Variants in URB1 observed in about 807,000 individuals in gnomAD.
URB1 encodes URB1 ribosome biogenesis factor.
In URB1, 197 loss-of-function variants were observed where a neutral mutation model predicts 242.3. That is an observed-to-expected ratio of 0.81 (90% CI 0.72 to 0.91). The LOEUF (loss-of-function observed/expected upper bound fraction) is 0.91, where lower values mean the gene tolerates loss of function less well. URB1 is among the 40% of genes least tolerant of loss of function. The pLI is 0.00. For missense variants in URB1, 2,721 were observed against 2,860.5 expected, an observed-to-expected ratio of 0.95 and a Z score of 1.11; for synonymous variants, 1,153 against 1,201.8, an observed-to-expected ratio of 0.96 and a Z score of 0.84.
chr21:32,383,689 G>A, intron 3 of URB1, 135 bp from the exon 4 acceptor site: 12 of 1,017,470 alleles, frequency 1.2e-5, no homozygotes, highest in Non-Finnish European at 1.2e-5. Context: ...AAAAAGACAT[G>A]CTCTTTTTTT....
In URB1 at chr21:32,321,910, A is replaced by T; in HGVS notation, c.5375T>A (p.Leu1792Gln). 1.9e-6 allele frequency: 3 copies of T among 1,551,672 alleles called. No homozygotes were observed. Among genetic ancestry groups the T allele is most frequent in the Non-Finnish European group, 2.6e-6 (3 of 1,146,988 alleles). Residue 1792 changes from leucine (L) to glutamine (Q), a missense_variant, in exon 34 of 39, where the codon CTG becomes CAG. Physicochemically the swap from Leu to Gln is moderately radical, Grantham distance 113. Transcript: ENST00000382751. ...KTEQKWVFGV[L>Q]RQGIRDKQCY... ...CTGCTTGTCACGGATCCCCTGCCGC[A>T]GAACGCCAAACACCCACTTCTGCTC... is the stretch of plus-strand genomic sequence containing the variant.
At chr21:32,359,769 C>T in intron 14 of URB1, 27 bp downstream of exon 14, 1 of 1,526,202 alleles carries the variant, frequency 6.6e-7, no homozygotes, top group Non-Finnish European at 8.8e-7. Context: ...AAGCTTAGGG[C>T]AGAAGACTGG....
rs1052092286 is a variant in URB1, at chr21:32,314,341, T to C, written c.*577A>G. On this transcript the variant is annotated 3_prime_UTR_variant, in exon 39 of 39. Coordinates refer to ENST00000382751, the MANE Select transcript of URB1 (RefSeq NM_014825.3). ...CTGGAATTACAGGTGTGCGCTACCA[T>C]GCCTGGCTAATTTTTGTATTTTTAG... is the stretch of plus-strand genomic sequence containing the variant. The C allele has an allele frequency of 5.3e-5, 25 of 475,750 alleles. No homozygotes were observed. The highest frequency in any genetic ancestry group is 6.2e-4 in the Middle Eastern group (1 of 1,606). The allele number at this position is 475,750 out of a possible 1,614,324, so 29.5% of individuals were successfully genotyped here. A position where few individuals can be genotyped will look rare whatever the true frequency, so the allele number is the denominator to read the frequency against.
chr21:32,353,792 T>G (rs1178516215), intron 18 of URB1, 141 bp downstream of exon 18: 1 of 999,232 alleles, frequency 1.0e-6, no homozygotes, highest in Non-Finnish European at 1.4e-6. Context: ...GCTGGCTGGG[T>G]AGCTATCACT....
intron 6 of URB1, among the ~76,000 whole-genome samples, chr21:32,375,096 A>G (rs1306439224): frequency 1.3e-5 from 2 of 152,260 alleles, no homozygotes; most frequent in African/African-American, 4.8e-5. Flanking sequence ...TATAATTTAC[A>G]GCTCACAATG....
At position 32,375,379 on chromosome 21, in the gene URB1, C is replaced by T. The variant is rs79111976; in HGVS notation, c.750+19G>A. The T allele has an allele frequency of 0.023, 33,792 of 1,448,880 alleles. 485 individuals are homozygous for T. Among genetic ancestry groups the T allele is most frequent in the Non-Finnish European group, 0.027 (29,356 of 1,078,648 alleles). 89.8% of individuals were successfully genotyped at this position (1,448,880 alleles called of 1,614,324 possible). ...CAAGGGAAAACAGACAACAGAAACGCGGATCACCAAGCACATACCTTTGTT... is the reference window on the plus strand; with the variant it reads ...CAAGGGAAAACAGACAACAGAAACGTGGATCACCAAGCACATACCTTTGTT... On this transcript the variant is annotated intron_variant, in intron 6 of 38. Coordinates refer to ENST00000382751, the MANE Select transcript of URB1 (RefSeq NM_014825.3).
Position 32,344,717 on chromosome 21 carries a change from C to G in URB1, c.4110G>C (p.Gly1370=), listed in dbSNP as rs559095993. ...VADSISAALE[G]SAEELCAWRR... ...TCCAGGCACACAGCTCTTCTGCTGA[C>G]CCTTCCAGAGCTGCTGAAATGGAGT... Residue 1370 remains glycine (G), a synonymous_variant, in exon 24 of 39, where the codon GGG becomes GGC. Transcript: ENST00000382751. The G allele has an allele frequency of 6.4e-7, 1 of 1,552,040 alleles. No homozygotes were observed. Among genetic ancestry groups the G allele is most frequent in the Non-Finnish European group, 8.7e-7 (1 of 1,147,092 alleles).
intron 30 of URB1, among the ~76,000 whole-genome samples, chr21:32,330,395 T>C (rs1049359952): frequency 2.0e-5 from 3 of 151,656 alleles, no homozygotes; most frequent in Non-Finnish European, 4.4e-5. Context: ...TATTTGGAAA[T>C]TTAAGGTAAG....
chr21:32,353,638 A>G lies in URB1; in HGVS notation c.2416+295T>C, dbSNP rs574016846. Reference sequence around the variant, plus strand: ...TCATCCTCTACATCAACGTATCAAGAATAAATGTTGACGAAAAAACATCAA... The same window carrying G: ...TCATCCTCTACATCAACGTATCAAGGATAAATGTTGACGAAAAAACATCAA... On this transcript the variant is annotated intron_variant, in intron 18 of 38. Transcript: ENST00000382751. 2.0e-5 allele frequency among the ~76,000 whole-genome samples: 3 copies of G among 152,344 alleles called. No individual in the cohort carries two copies. The East Asian group carries it at 5.8e-4, about 29-fold the overall frequency.
intron 3 of URB1, 69 bp downstream of exon 3, chr21:32,384,244 C>A (rs920955776): frequency 1.1e-5 from 16 of 1,502,060 alleles, no homozygotes; most frequent in Non-Finnish European, 1.3e-5. Flanking sequence ...ACCAAATGCA[C>A]CTGCGGAGAG....
At chr21:32,351,031 A>G (rs2033151628) in intron 19 of URB1, 109 bp from the exon 20 acceptor site, 5 of 1,155,670 alleles carry the variant, frequency 4.3e-6, no homozygotes, top group Non-Finnish European at 6.1e-6. Context: ...AAAGAAGCAC[A>G]TGCTGAGATA....
In URB1 at chr21:32,312,860, G is replaced by C. The variant is rs1309263117; in HGVS notation, c.*2058C>G. Reference sequence around the variant, plus strand: ...TAACTGTGCCCCCCGCCCCACTTAAGATATTTCTAATTTAGCATTTTATAT... The same window carrying C: ...TAACTGTGCCCCCCGCCCCACTTAACATATTTCTAATTTAGCATTTTATAT... On this transcript the variant is annotated 3_prime_UTR_variant, in exon 39 of 39. Coordinates refer to ENST00000382751, the MANE Select transcript of URB1 (RefSeq NM_014825.3). 6.6e-6 allele frequency: 1 copy of C among 152,154 alleles called. No homozygotes were observed. Among genetic ancestry groups the C allele is most frequent in the African/African-American group, 2.4e-5 (1 of 41,422 alleles). The allele number at this position is 152,154 out of a possible 1,614,324, so 9.4% of individuals were successfully genotyped here. A position where few individuals can be genotyped will look rare whatever the true frequency, so the allele number is the denominator to read the frequency against.
At chr21:32,372,330 C>T (rs1345550351) in intron 8 of URB1, among the ~76,000 whole-genome samples, 177 bp downstream of exon 8, 1 of 152,220 alleles carries the variant, frequency 6.6e-6, no homozygotes, top group African/African-American at 2.4e-5. Context: ...AGAACTGCCC[C>T]TGAGGACATG....
At chr21:32,351,386 G>A (rs1166687955) in intron 19 of URB1, among the ~76,000 whole-genome samples, 1 of 152,186 alleles carries the variant, frequency 6.6e-6, no homozygotes, top group Non-Finnish European at 1.5e-5. Context: ...AGAAATTTCT[G>A]GAGCCCTTCT....
At chr21:32,384,553 T>A (rs775027914) in intron 2 of URB1, 89 bp from the exon 3 acceptor site, 1 of 1,468,694 alleles carries the variant, frequency 6.8e-7, no homozygotes, top group Non-Finnish European at 9.1e-7. Flanking sequence ...CCATAGTTAC[T>A]TGTAGGCTTA....
chr21:32,324,400 AC>A (rs1247120968), intron 32 of URB1, 90 bp downstream of exon 32: 1 of 1,024,894 alleles, frequency 9.8e-7, no homozygotes. Context: ...CAGATGTGTG[AC>A]CCACTATACC....
intron 32 of URB1, among the ~76,000 whole-genome samples, chr21:32,324,285 A>G (rs536035191): frequency 2.6e-5 from 4 of 152,344 alleles, no homozygotes; most frequent in African/African-American, 9.6e-5. Flanking sequence ...CCAGGGGTCC[A>G]TGACGAGCTT....
chr21:32,344,032 C>T (rs2033058350), intron 24 of URB1, among the ~76,000 whole-genome samples: 1 of 152,134 alleles, frequency 6.6e-6, no homozygotes, highest in African/African-American at 2.4e-5. Context: ...AAAAAACTAT[C>T]AACATAGAAT....
At chr21:32,341,045 C>T (rs2833777) in intron 25 of URB1, among the ~76,000 whole-genome samples, 23,284 of 151,280 alleles carry the variant, frequency 0.15, 2,166 homozygotes, top group African/African-American at 0.26. Flanking sequence ...ATGTTAAACA[C>T]GCTAAATAAT....
Sources: allele counts gnomAD v4.1 joint callset (sites outside exome capture counted in the v4.1 genomes callset), GRCh38; gene constraint gnomAD v4.1.1; transcripts MANE v1.5; gene names NCBI Gene and HGNC (gene_info 2026-07-23, HGNC 2026-07-21).